Variants in POU6F2 observed in about 807,000 individuals in gnomAD.
POU6F2 encodes the protein POU domain, class 6, transcription factor 2.
Under a neutral mutation model 71.3 loss-of-function variants are expected in POU6F2, and 31 were observed. That is an observed-to-expected ratio of 0.43 (90% confidence interval 0.33 to 0.59). The LOEUF is 0.59. POU6F2 is among the 20% of genes least tolerant of loss of function. The probability of loss-of-function intolerance (pLI) is 0.04; values close to 1 mark genes in which losing one functional copy is unlikely to be tolerated. For missense variants in POU6F2, 783 were observed against 856.8 expected, an observed-to-expected ratio of 0.91 and a Z score of 1.07; for synonymous variants, 347 against 355.7, an observed-to-expected ratio of 0.98 and a Z score of 0.27.
intron 2 of POU6F2, among the ~76,000 whole-genome samples, chr7:39,193,481 G>A (rs183874136): frequency 2.6e-4 from 40 of 152,308 alleles, no homozygotes; most frequent in African/African-American, 8.7e-4. Context: ...TGCATTTTAT[G>A]TATAATGTAG....
intron 2 of POU6F2, 22 bp from the exon 3 acceptor site, chr7:39,204,213 G>A (rs768648510): frequency 5.6e-6 from 9 of 1,593,418 alleles, no homozygotes; most frequent in Admixed American, 1.7e-5. Context: ...TATTAAGGGA[G>A]TATTTCTCTT....
intron 5 of POU6F2, among the ~76,000 whole-genome samples, chr7:39,344,406 G>T (rs1287378626): frequency 6.6e-6 from 1 of 152,142 alleles, no homozygotes; most frequent in Non-Finnish European, 1.5e-5. Flanking sequence ...TCCCACCTCT[G>T]TTGCGCAGTG....
At chr7:39,260,773 C>T (rs1784121902) in intron 4 of POU6F2, among the ~76,000 whole-genome samples, 1 of 151,908 alleles carries the variant, frequency 6.6e-6, no homozygotes, top group South Asian at 2.1e-4. Context: ...ACCACATATA[C>T]CACACACAAC....
At chr7:39,345,287 C>T (rs1786008289) in intron 5 of POU6F2, among the ~76,000 whole-genome samples, 1 of 152,168 alleles carries the variant, frequency 6.6e-6, no homozygotes, top group Non-Finnish European at 1.5e-5. Context: ...ATTCATCTCA[C>T]CCTCATCCCT....
chr7:39,260,975 A>G (rs1168983043), intron 4 of POU6F2, among the ~76,000 whole-genome samples: 5 of 150,916 alleles, frequency 3.3e-5, no homozygotes, highest in Non-Finnish European at 5.9e-5. Flanking sequence ...ACCCACCACC[A>G]TTCATATCAC....
intron 6 of POU6F2, among the ~76,000 whole-genome samples, chr7:39,430,521 G>T (rs551805072): frequency 1.3e-5 from 2 of 152,340 alleles, no homozygotes; most frequent in East Asian, 3.9e-4. Flanking sequence ...TTGAAAGTGA[G>T]GTTGTGCTTA....
At chr7:39,173,630 C>G (rs1424264409) in intron 2 of POU6F2, among the ~76,000 whole-genome samples, 1 of 152,216 alleles carries the variant, frequency 6.6e-6, no homozygotes, top group Non-Finnish European at 1.5e-5. Context: ...CTCTCATGCT[C>G]TGGAGAAAGG....
At chr7:39,189,232 G>A (rs186687646) in intron 2 of POU6F2, among the ~76,000 whole-genome samples, 13 of 152,256 alleles carry the variant, frequency 8.5e-5, no homozygotes, top group Admixed American at 5.2e-4. Context: ...AAAACCAGGT[G>A]CACTCCATTA....
chr7:39,107,964 C>CCATAGAGAT (rs1791727009), intron 2 of POU6F2, among the ~76,000 whole-genome samples: 1 of 152,184 alleles, frequency 6.6e-6, no homozygotes, highest in Non-Finnish European at 1.5e-5. Context: ...TTGATAGAGT[C>CCATAGAGAT]CATAGAGATC....
chr7:39,345,414 T>A (rs1786014741), intron 5 of POU6F2, among the ~76,000 whole-genome samples: 2 of 152,200 alleles, frequency 1.3e-5, no homozygotes, highest in Non-Finnish European at 2.9e-5. Context: ...CTAGTTGAAC[T>A]TGAACATTGC....
chr7:39,024,964 C>G (rs535043418), intron 1 of POU6F2, among the ~76,000 whole-genome samples: 4 of 152,010 alleles, frequency 2.6e-5, no homozygotes, highest in African/African-American at 7.3e-5. Flanking sequence ...GTCTAAAATT[C>G]TCTTTTTTGG....
chr7:39,080,950 C>T (rs115163897), intron 1 of POU6F2, among the ~76,000 whole-genome samples: 2,059 of 152,062 alleles, frequency 0.014, 41 homozygotes, highest in African/African-American at 0.046. Context: ...TTTTTAGCAG[C>T]GTGGTTAAAA....
At chr7:39,361,992 G>A (rs1486446598) in intron 5 of POU6F2, among the ~76,000 whole-genome samples, 3 of 152,222 alleles carry the variant, frequency 2.0e-5, no homozygotes, top group Non-Finnish European at 4.4e-5. Flanking sequence ...AGCCACATAG[G>A]ACAGTGCCAG....
At chr7:39,207,340 C>G in intron 3 of POU6F2, 52 bp from the exon 4 acceptor site, 1 of 1,554,668 alleles carries the variant, frequency 6.4e-7, no homozygotes. Context: ...TTTTTAAAAC[C>G]CATGCCTTGG....
intron 1 of POU6F2, chr7:39,013,504 GGGAGCTGTGGACT>G (rs1219016277): frequency 1.3e-5 from 2 of 156,714 alleles, no homozygotes; most frequent in Non-Finnish European, 2.8e-5. Flanking sequence ...CGCTCACGCT[GGGAGCTGTGGACT>G]GGAGCTGTTC....
At chr7:39,310,237 T>A (rs528711411) in intron 4 of POU6F2, among the ~76,000 whole-genome samples, 1 of 152,176 alleles carries the variant, frequency 6.6e-6, no homozygotes, top group Non-Finnish European at 1.5e-5. Flanking sequence ...GATCTGTGCA[T>A]TGAATCTAAT....
intron 6 of POU6F2, among the ~76,000 whole-genome samples, chr7:39,429,754 A>G (rs1413940971): frequency 6.6e-6 from 1 of 152,238 alleles, no homozygotes; most frequent in Admixed American, 6.5e-5. Context: ...GGAGCTGGGA[A>G]GTCAAACTCC....
intron 1 of POU6F2, among the ~76,000 whole-genome samples, chr7:39,069,790 C>G (rs1525790): frequency 0.83 from 126,403 of 152,202 alleles, 52,754 homozygotes; most frequent in East Asian, 1. Flanking sequence ...TTATCATAAA[C>G]GTATTCATCT....
At chr7:39,208,176 A>G (rs1303478794) in intron 4 of POU6F2, among the ~76,000 whole-genome samples, 2 of 152,236 alleles carry the variant, frequency 1.3e-5, no homozygotes, top group Non-Finnish European at 2.9e-5. Flanking sequence ...TTGAGCCTTT[A>G]TACTACAGGG....
Sources: allele counts gnomAD v4.1 joint callset (sites outside exome capture counted in the v4.1 genomes callset), GRCh38; gene constraint gnomAD v4.1.1; transcripts MANE v1.5; gene names NCBI Gene and HGNC (gene_info 2026-07-23, HGNC 2026-07-21).